The following ASPSCR1 variants were observed in gnomAD, a reference collection of about 807,000 sequenced individuals.
ASPSCR1 encodes tether containing UBX domain for GLUT4.
In ASPSCR1, 55 loss-of-function variants were observed where a neutral mutation model predicts 68.9. The observed-to-expected ratio is 0.80, with a 90% CI of 0.64 to 1.00. ASPSCR1 has a LOEUF of 1.00. Ranked by LOEUF, ASPSCR1 falls within the 50% of genes least tolerant of loss-of-function variation. The probability of loss-of-function intolerance (pLI) is 0.00; values close to 1 mark genes in which losing one functional copy is unlikely to be tolerated. For synonymous variants in ASPSCR1, 352 were observed against 332.6 expected, an observed-to-expected ratio of 1.06 and a Z score of -0.63; for missense variants, 765 against 762.2, an observed-to-expected ratio of 1.00 and a Z score of -0.04.
At position 81,990,027 on chromosome 17, in the gene ASPSCR1, G is replaced by A. The variant is rs1264432807; in HGVS notation, c.374+4420G>A. 2.0e-5 allele frequency among the ~76,000 whole-genome samples: 3 copies of A among 152,130 alleles called. No homozygotes were observed. The highest frequency in any genetic ancestry group is 4.4e-5 in the Non-Finnish European group (3 of 68,032). On this transcript the variant is annotated intron_variant, in intron 4 of 15. Coordinates refer to ENST00000306739, the MANE Select transcript of ASPSCR1 (RefSeq NM_024083.4). The surrounding 1 kb of genome is among the most constrained non-coding windows in gnomAD (Gnocchi z 4.1). Reference sequence around the variant, plus strand: ...GCTGGTCAGGTGATCAGCCCGCCTCGGCCTCCCAAAGTGCTGAGATTACAG... The same window carrying A: ...GCTGGTCAGGTGATCAGCCCGCCTCAGCCTCCCAAAGTGCTGAGATTACAG...
chr17:82,009,229 C>T (rs2144086214), intron 8 of ASPSCR1, 38 bp downstream of exon 8: 1 of 1,559,636 alleles, frequency 6.4e-7, no homozygotes, highest in Middle Eastern at 1.7e-4. Context: ...ATCTTCGCGC[C>T]AGGGTTTGCC....
At chr17:82,002,720 G>A (rs1222447184) in intron 7 of ASPSCR1, among the ~76,000 whole-genome samples, 1 of 150,860 alleles carries the variant, frequency 6.6e-6, no homozygotes, top group African/African-American at 2.4e-5. Flanking sequence ...ACCATGCCCG[G>A]CTAATTTTTG....
intron 2 of ASPSCR1, among the ~76,000 whole-genome samples, chr17:81,981,165 G>A (rs2143990348): frequency 6.6e-6 from 1 of 152,140 alleles, no homozygotes; most frequent in East Asian, 1.9e-4. Context: ...GAAGGGCCTG[G>A]CGGGAGGTTG....
In ASPSCR1 at chr17:81,996,617, G is replaced by A; in HGVS notation, c.704G>A (p.Arg235Lys). 1 of 1,611,872 alleles carries A rather than the reference G, an allele frequency of 6.2e-7. No homozygotes were observed. ...CEHTQEKQST[R>K]APAAAPFVPF... is the part of the protein sequence containing the mutation. Reference sequence around the variant, plus strand: ...CACACTCAGGAGAAGCAGAGCACAAGGGCACCCGCAGCTGCCCCCTTTGTT... The same window carrying A: ...CACACTCAGGAGAAGCAGAGCACAAAGGCACCCGCAGCTGCCCCCTTTGTT... The change falls in exon 7 of 16, where the codon AGG becomes AAG. Residue 235 changes from arginine to lysine, a missense_variant. Arg to Lys is a conservative substitution (Grantham distance 26). Transcript: ENST00000306739.
intron 12 of ASPSCR1, 69 bp downstream of exon 12, chr17:82,012,352 G>A: frequency 6.5e-7 from 1 of 1,531,804 alleles, no homozygotes; most frequent in Non-Finnish European, 9.0e-7. Flanking sequence ...AGAGCGTGAG[G>A]CCTCGGGCAG....
chr17:81,995,227 C>T (rs748237432), intron 5 of ASPSCR1: 5 of 412,556 alleles, frequency 1.2e-5, no homozygotes, highest in Middle Eastern at 6.2e-4. Context: ...TCCTAGCGCT[C>T]GTCCCTGGCC....
chr17:81,983,589 G>A lies in ASPSCR1; in HGVS notation c.194G>A (p.Trp65Ter), dbSNP rs1348945872. 1.2e-6 allele frequency: 2 copies of A among 1,613,458 alleles called. No individual in the cohort carries two copies. The highest frequency in any genetic ancestry group is 1.7e-6 in the Non-Finnish European group (2 of 1,179,918). Residue 65 changes from tryptophan to a stop codon, truncating the protein, a stop_gained, in exon 3 of 16, where the codon TGG (tryptophan) becomes TAG (stop). Transcript: ENST00000306739. LOFTEE classifies it high-confidence loss of function. This position sits in a 1 kb window ranked among gnomAD's most constrained non-coding sequence, Gnocchi z 4.4. ...AGCGTGCTCGACCTTTCTCTCCAGT[G>A]GAGATTTGCCAACCTGCCCAACAAT... ...QRSVLDLSLQWRFANLPNNAK... is the reference protein window; with the variant it reads ...QRSVLDLSLQ
At position 81,983,749 on chromosome 17, in the gene ASPSCR1, G is replaced by A; in HGVS notation, c.273+81G>A. 5.8e-6 allele frequency: 7 copies of A among 1,211,924 alleles called. No individual in the cohort carries two copies. Among genetic ancestry groups the A allele is most frequent in the Middle Eastern group, 2.3e-4 (1 of 4,256 alleles). The allele number at this position is 1,211,924 out of a possible 1,614,324, so 75.1% of individuals were successfully genotyped here. A position where few individuals can be genotyped will look rare whatever the true frequency, so the allele number is the denominator to read the frequency against. On this transcript the variant is annotated intron_variant, in intron 3 of 15. Transcript: ENST00000306739. The surrounding 1 kb of genome is among the most constrained non-coding windows in gnomAD (Gnocchi z 4.4). ...CCAGGGACGGGGGACGGGACAGTGG[G>A]GGGTGCTGGGGAAGGAGGGACATGA...
At chr17:81,980,273 G>A (rs1598381601) in intron 2 of ASPSCR1, among the ~76,000 whole-genome samples, 1 of 152,238 alleles carries the variant, frequency 6.6e-6, no homozygotes, top group African/African-American at 2.4e-5. Flanking sequence ...GAGTCACCAT[G>A]CCTGCCCTTG....
intron 2 of ASPSCR1, among the ~76,000 whole-genome samples, chr17:81,980,854 T>G (rs1272239969): frequency 6.6e-6 from 1 of 152,086 alleles, no homozygotes; most frequent in Non-Finnish European, 1.5e-5. Context: ...GAGGGTGGAA[T>G]TTTTGGCCTC....
At position 81,983,464 on chromosome 17, in the gene ASPSCR1, C is replaced by A; in HGVS notation, c.159-90C>A. The A allele has an allele frequency of 2.8e-6, 3 of 1,078,944 alleles. No individual in the cohort carries two copies. The highest frequency in any genetic ancestry group is 1.4e-5 in the South Asian group (1 of 71,362). 66.8% of individuals were successfully genotyped at this position (1,078,944 alleles called of 1,614,324 possible). On this transcript the variant is annotated intron_variant, in intron 2 of 15. Coordinates refer to ENST00000306739, the MANE Select transcript of ASPSCR1 (RefSeq NM_024083.4). The surrounding 1 kb of genome is among the most constrained non-coding windows in gnomAD (Gnocchi z 4.4). Reference sequence around the variant, plus strand: ...GGATGGCGGGGCGTGGATGGCGGGGCGTGGATGGTGGGACGGGGATGGCGG... The same window carrying A: ...GGATGGCGGGGCGTGGATGGCGGGGAGTGGATGGTGGGACGGGGATGGCGG...
At chr17:81,991,287 C>T (rs903596954) in intron 4 of ASPSCR1, among the ~76,000 whole-genome samples, 1 of 152,204 alleles carries the variant, frequency 6.6e-6, no homozygotes, top group Non-Finnish European at 1.5e-5. Context: ...GGATCTCTTC[C>T]CAGGCCCCCA....
intron 3 of ASPSCR1, 60 bp from the exon 4 acceptor site, chr17:81,985,447 A>G: frequency 6.5e-7 from 1 of 1,548,772 alleles, no homozygotes; most frequent in Non-Finnish European, 8.9e-7. Flanking sequence ...TCAGTCTGGG[A>G]TTTAGAAGGA....
At chr17:81,991,563 C>T (rs2042165323) in intron 4 of ASPSCR1, among the ~76,000 whole-genome samples, 1 of 152,064 alleles carries the variant, frequency 6.6e-6, no homozygotes, top group African/African-American at 2.4e-5. Flanking sequence ...CCATCCCTGC[C>T]CGTCCCTGTT....
chr17:82,012,103 C>T lies in ASPSCR1; in HGVS notation c.1301-128C>T, dbSNP rs530481067. 4.0e-5 allele frequency: 44 copies of T among 1,107,208 alleles called. 1 individual carries two copies. In the African/African-American group the frequency reaches 5.2e-4, roughly 13 times the overall value. The allele number at this position is 1,107,208 out of a possible 1,614,324, so 68.6% of individuals were successfully genotyped here. The stretch of plus-strand genomic sequence containing the variant: ...CTGCAGCAGGAGTGTGGGCACAGGG[C>T]GTGCTCGTGAGGGGCTCTTCTGCCC... On this transcript the variant is annotated intron_variant, in intron 11 of 15. Coordinates refer to ENST00000306739, the MANE Select transcript of ASPSCR1 (RefSeq NM_024083.4).
rs1444095368 is a variant in ASPSCR1, at chr17:81,990,143, A to G, written c.374+4536A>G. 6.6e-6 allele frequency among the ~76,000 whole-genome samples: 1 copy of G among 152,212 alleles called. No homozygotes were observed. The highest frequency in any genetic ancestry group is 2.4e-5 in the African/African-American group (1 of 41,440). ...AACAGGTGTCATTAATTTTAGTAAT[A>G]CGTGTAGTTAACTCAGTATACCCAA... On this transcript the variant is annotated intron_variant, in intron 4 of 15. Transcript: ENST00000306739. The surrounding 1 kb of genome is among the most constrained non-coding windows in gnomAD (Gnocchi z 4.1).
intron 4 of ASPSCR1, among the ~76,000 whole-genome samples, chr17:81,992,494 G>C (rs186159033): frequency 5.3e-5 from 8 of 152,356 alleles, no homozygotes; most frequent in African/African-American, 1.9e-4. Flanking sequence ...CAGTGCCGGG[G>C]AAGGACTGTG....
intron 7 of ASPSCR1, among the ~76,000 whole-genome samples, chr17:82,000,085 C>G (rs2042478428): frequency 6.6e-6 from 1 of 152,248 alleles, no homozygotes; most frequent in Non-Finnish European, 1.5e-5. Context: ...GCCCCTCGAC[C>G]CGTGTGCTCC....
At chr17:82,010,947 C>T in intron 10 of ASPSCR1, 79 bp downstream of exon 10, 2 of 1,524,396 alleles carry the variant, frequency 1.3e-6, no homozygotes. Flanking sequence ...TTCCAGGCCA[C>T]AGGACTGCAG....
Sources: gnomAD v4.1 joint callset for allele counts (sites outside exome capture counted in the v4.1 genomes callset) on GRCh38, gnomAD v4.1.1 for gene constraint, Gnocchi (gnomAD v3.1) non-coding constraint, MANE v1.5 for transcripts, NCBI Gene and HGNC (gene_info 2026-07-23, HGNC 2026-07-21) for gene names.